Variants in TLK1 observed in about 807,000 individuals in gnomAD.
The protein encoded by TLK1 is serine/threonine-protein kinase tousled-like 1.
TLK1 carries 24 observed loss-of-function variants against 105.3 expected under a neutral mutation model. The observed-to-expected ratio is 0.23, with a 90% CI of 0.17 to 0.32. The LOEUF (loss-of-function observed/expected upper bound fraction) is 0.32. Among genes scored for constraint, TLK1 ranks in the 10% least tolerant of loss-of-function variants. The pLI is 1.00. For missense variants in TLK1, 558 were observed against 910.5 expected, an observed-to-expected ratio of 0.61 and a Z score of 4.98; for synonymous variants, 321 against 310.4, an observed-to-expected ratio of 1.03 and a Z score of -0.36.
At chr2:171,062,805 T>C (rs1171224078) in intron 3 of TLK1, among the ~76,000 whole-genome samples, 2 of 152,222 alleles carry the variant, frequency 1.3e-5, no homozygotes, top group East Asian at 3.9e-4. Flanking sequence ...TTACTGTTTA[T>C]GAATAAAACT....
At chr2:171,005,092 G>T (rs1284438979) in intron 18 of TLK1, among the ~76,000 whole-genome samples, 1 of 152,202 alleles carries the variant, frequency 6.6e-6, no homozygotes, top group African/African-American at 2.4e-5. Context: ...TCACATTTAT[G>T]TTTGTAGTCA....
At chr2:171,113,306 T>G (rs111861617) in intron 2 of TLK1, among the ~76,000 whole-genome samples, 6 of 151,820 alleles carry the variant, frequency 4.0e-5, no homozygotes, top group African/African-American at 1.4e-4. Flanking sequence ...GTCTCACTCT[T>G]GTCACCCAGG....
intron 2 of TLK1, among the ~76,000 whole-genome samples, chr2:171,114,647 C>A (rs527309355): frequency 5.9e-5 from 9 of 152,236 alleles, no homozygotes; most frequent in Non-Finnish European, 1.2e-4. Flanking sequence ...CCAGCCTGGG[C>A]AACAAGGTGA....
intron 8 of TLK1, among the ~76,000 whole-genome samples, chr2:171,053,312 T>A (rs528689671): frequency 1.7e-4 from 26 of 152,282 alleles, no homozygotes; most frequent in African/African-American, 6.3e-4. Context: ...AAATTGGTAT[T>A]TTTCAATCAT....
At chr2:171,028,808 G>A (rs1409932716) in intron 11 of TLK1, among the ~76,000 whole-genome samples, 1 of 152,160 alleles carries the variant, frequency 6.6e-6, no homozygotes, top group Non-Finnish European at 1.5e-5. Flanking sequence ...ACACTCTATA[G>A]TGGAAGTAAG....
rs1463023190 is a variant in TLK1 at position 170,992,302 on chromosome 2, T to C, written c.*1478A>G. 6.6e-6 allele frequency: 1 copy of C among 152,234 alleles called. No homozygotes were observed. The highest frequency in any genetic ancestry group is 1.5e-5 in the Non-Finnish European group (1 of 67,998). The allele number at this position is 152,234 out of a possible 1,614,324, so 9.4% of individuals were successfully genotyped here. On this transcript the variant is annotated 3_prime_UTR_variant, in exon 21 of 21. Coordinates refer to ENST00000431350, the MANE Select transcript of TLK1 (RefSeq NM_012290.5). ...CAACATCAGAAATACAGTTTAACTG[T>C]ACAATATTAAAGAGAATCCGTGGTA... is the stretch of plus-strand genomic sequence containing the variant.
chr2:171,160,222 G>A lies in TLK1; in HGVS notation c.139+68C>T, dbSNP rs868484630. On this transcript the variant is annotated intron_variant, in intron 1 of 20. Transcript: ENST00000431350. This position sits in a 1 kb window ranked among gnomAD's most constrained non-coding sequence, Gnocchi z 4.4. ...AAGCCCCGGGGCGGGGGGGGCGGGG[G>A]GGGGGCGCGGGGGTCCGCGGCGCGG... 27 of 1,278,640 alleles carry A rather than the reference G, an allele frequency of 2.1e-5. 1 individual carries two copies. In the South Asian group the frequency reaches 2.3e-4, roughly 11 times the overall value. 79.2% of individuals were successfully genotyped at this position (1,278,640 alleles called of 1,614,324 possible). A position where few individuals can be genotyped will look rare whatever the true frequency, so the allele number is the denominator to read the frequency against.
At chr2:171,127,137 C>T (rs1297858143) in intron 1 of TLK1, among the ~76,000 whole-genome samples, 2 of 151,696 alleles carry the variant, frequency 1.3e-5, no homozygotes, top group African/African-American at 2.4e-5. Context: ...ATTAGCCAGG[C>T]GTGGTGGTGC....
intron 3 of TLK1, among the ~76,000 whole-genome samples, chr2:171,080,703 A>T (rs950201697): frequency 2.7e-5 from 4 of 150,558 alleles, no homozygotes; most frequent in Non-Finnish European, 4.4e-5. Flanking sequence ...AAGTCAAAAG[A>T]TTTTTCTTTT....
chr2:171,065,109 TGAG>T (rs1687928715), intron 3 of TLK1, among the ~76,000 whole-genome samples: 2 of 152,096 alleles, frequency 1.3e-5, no homozygotes, highest in South Asian at 2.1e-4. Flanking sequence ...TGTTACAGTA[TGAG>T]GGACAGAAAT....
chr2:171,222,327 TTTTA>T (rs555608792), intron 1 of TLK1, among the ~76,000 whole-genome samples: 19 of 152,198 alleles, frequency 1.2e-4, no homozygotes, highest in African/African-American at 4.3e-4. Flanking sequence ...CCTAATTCTT[TTTTA>T]TTTATTTATT....
chr2:171,023,399 A>G (rs1424914233), intron 12 of TLK1, among the ~76,000 whole-genome samples: 1 of 147,810 alleles, frequency 6.8e-6, no homozygotes, highest in East Asian at 1.9e-4. Flanking sequence ...CTCATAAGTC[A>G]AATGCACTCA....
chr2:171,116,213 G>A (rs944564683), intron 2 of TLK1, among the ~76,000 whole-genome samples: 4 of 152,104 alleles, frequency 2.6e-5, no homozygotes, highest in African/African-American at 9.7e-5. Flanking sequence ...CAGAGACCAT[G>A]AACAAAGTAA....
chr2:171,188,705 C>CAAA (rs998138338), intron 1 of TLK1, among the ~76,000 whole-genome samples: 13 of 44,642 alleles, frequency 2.9e-4, no homozygotes, highest in African/African-American at 9.5e-4. Context: ...GACTCTGTCT[C>CAAA]AAAAAAAAAA....
At chr2:171,169,079 A>G (rs996399319) in intron 1 of TLK1, among the ~76,000 whole-genome samples, 3 of 148,352 alleles carry the variant, frequency 2.0e-5, no homozygotes, top group Non-Finnish European at 4.5e-5. Context: ...CCCTTTCTCA[A>G]AAAAAAAAAA....
chr2:171,051,439 C>T (rs1029930752), intron 8 of TLK1, among the ~76,000 whole-genome samples: 1 of 152,042 alleles, frequency 6.6e-6, no homozygotes, highest in Admixed American at 6.6e-5. Context: ...GAAGGCTGCA[C>T]ACAGAATTGT....
At chr2:171,060,187 AT>A (rs1360468033) in intron 4 of TLK1, among the ~76,000 whole-genome samples, 1 of 152,190 alleles carries the variant, frequency 6.6e-6, no homozygotes, top group Non-Finnish European at 1.5e-5. Flanking sequence ...GGAAAAAAAC[AT>A]GGTTCAACCA....
intron 1 of TLK1, among the ~76,000 whole-genome samples, chr2:171,122,140 T>C (rs1690678746): frequency 6.6e-6 from 1 of 152,088 alleles, no homozygotes; most frequent in Non-Finnish European, 1.5e-5. Context: ...GAAGACGGGG[T>C]TTCACCATGT....
chr2:171,152,512 TTTGTTA>T (rs1034705848), intron 1 of TLK1, among the ~76,000 whole-genome samples: 8 of 147,714 alleles, frequency 5.4e-5, no homozygotes, highest in Non-Finnish European at 1.2e-4. Context: ...TACCAAAGGT[TTTGTTA>T]TTGTTGTTGT....
Sources: allele counts gnomAD v4.1 joint callset (sites outside exome capture counted in the v4.1 genomes callset), GRCh38; gene constraint gnomAD v4.1.1; non-coding constraint Gnocchi (gnomAD v3.1); transcripts MANE v1.5; gene names NCBI Gene and HGNC (gene_info 2026-07-23, HGNC 2026-07-21).